The following ZNF536 variants were observed in gnomAD, a reference collection of about 807,000 sequenced individuals.
ZNF536 encodes the protein zinc finger protein 536.
Under a neutral mutation model 84.5 loss-of-function variants are expected in ZNF536, and 13 were observed. That is an observed-to-expected ratio of 0.15 (90% CI 0.10 to 0.24). The LOEUF (loss-of-function observed/expected upper bound fraction) is 0.24. Ranked by LOEUF, ZNF536 falls within the 10% of genes least tolerant of loss-of-function variation. The pLI is 1.00. For synonymous variants in ZNF536, 811 were observed against 742.5 expected (o/e 1.09, Z -1.50); for missense variants, 1,536 against 1,747.5 (o/e 0.88, Z 2.16).
intron 1 of ZNF536, among the ~76,000 whole-genome samples, chr19:30,567,166 G>T (rs898923828): frequency 3.9e-5 from 6 of 152,222 alleles, no homozygotes; most frequent in Non-Finnish European, 5.9e-5. Context: ...CCAACCAAAA[G>T]TACATAACAA....
chr19:30,528,814 T>C (rs2044690387), intron 2 of ZNF536, among the ~76,000 whole-genome samples: 1 of 152,142 alleles, frequency 6.6e-6, no homozygotes, highest in Non-Finnish European at 1.5e-5. Context: ...CAGGGACTAG[T>C]TAGCAACCAT....
Position 30,603,060 on chromosome 19 carries a change from C to T in ZNF536, c.169+53546C>T, listed in dbSNP as rs191378261. Among the ~76,000 whole-genome samples the T allele has an allele frequency of 1.2e-3, 180 of 152,282 alleles. 1 individual carries two copies. The highest frequency in any genetic ancestry group is 4.0e-3 in the African/African-American group (168 of 41,564). ...CCAGGTGGGTCCTCCTCCTCCAGCC[C>T]GTGTGACGTTCTACCTTGTGCTTTG... On this transcript the variant is annotated intron_variant, in intron 1 of 1. Transcript: ENST00000592773.
chr19:30,582,216 G>A (rs190284041), intron 1 of ZNF536, among the ~76,000 whole-genome samples: 27 of 152,160 alleles, frequency 1.8e-4, no homozygotes, highest in African/African-American at 5.5e-4. Context: ...ATGGGCAGAC[G>A]TGCACCAAAG....
At chr19:30,579,938 A>G (rs1009602008) in intron 1 of ZNF536, among the ~76,000 whole-genome samples, 2 of 151,932 alleles carry the variant, frequency 1.3e-5, no homozygotes, top group Non-Finnish European at 2.9e-5. Flanking sequence ...CTGCTGGTAG[A>G]CTCTTTTTAA....
In ZNF536 at chr19:30,444,211, C is replaced by G. The variant is rs1213068176; in HGVS notation, c.649C>G (p.Leu217Val). ...ILRDKQLKGSLLQPRPDLKPP... is the reference protein window; with the variant it reads ...ILRDKQLKGSVLQPRPDLKPP... ...GCGGGACAAGCAGCTGAAAGGCAGC[C>G]TGCTGCAGCCCCGGCCGGACCTGAA... The change falls in exon 2 of 5, where the codon CTG (leucine) becomes GTG (valine). Residue 217 changes from leucine to valine, a missense_variant. By Grantham distance (32) the Leu-to-Val change is conservative. Coordinates refer to ENST00000355537, the MANE Select transcript of ZNF536 (RefSeq NM_014717.3). The G allele has an allele frequency of 6.5e-7, 1 of 1,549,166 alleles. No individual in the cohort carries two copies. The highest frequency in any genetic ancestry group is 8.7e-7 in the Non-Finnish European group (1 of 1,152,114).
intron 1 of ZNF536, among the ~76,000 whole-genome samples, chr19:30,269,772 A>G (rs575651306): frequency 1.3e-5 from 2 of 152,210 alleles, no homozygotes; most frequent in South Asian, 4.2e-4. Context: ...CTCGGCTTGT[A>G]CGAACGAAGA....
At chr19:30,262,965 G>C (rs966970248) in intron 1 of ZNF536, among the ~76,000 whole-genome samples, 1 of 152,230 alleles carries the variant, frequency 6.6e-6, no homozygotes, top group African/African-American at 2.4e-5. Flanking sequence ...AGGGGTGCTA[G>C]AGCACCAAGC....
intron 1 of ZNF536, among the ~76,000 whole-genome samples, chr19:30,240,214 C>CA (rs889427457): frequency 1.7e-4 from 26 of 150,646 alleles, no homozygotes; most frequent in South Asian, 1.1e-3. Context: ...ACTAAAAATA[C>CA]AAAAAAAAAT....
chr19:30,449,730 T>A (rs748668983), intron 2 of ZNF536, among the ~76,000 whole-genome samples: 1 of 152,144 alleles, frequency 6.6e-6, no homozygotes, highest in African/African-American at 2.4e-5. Flanking sequence ...CTACTACTTC[T>A]GGTATAATAT....
chr19:30,598,766 GTTTATA>G (rs1432612295), intron 1 of ZNF536, among the ~76,000 whole-genome samples: 2 of 152,044 alleles, frequency 1.3e-5, no homozygotes, highest in African/African-American at 2.4e-5. Flanking sequence ...AAATACTATA[GTTTATA>G]TTTAAATTTG....
At chr19:30,530,870 T>A (rs1453854546) in intron 2 of ZNF536, among the ~76,000 whole-genome samples, 2 of 152,210 alleles carry the variant, frequency 1.3e-5, no homozygotes, top group Non-Finnish European at 2.9e-5. Context: ...TGAATGACAC[T>A]CTCAGGTTCT....
At chr19:30,647,546 G>T (rs992789412) in intron 1 of ZNF536, among the ~76,000 whole-genome samples, 3 of 152,182 alleles carry the variant, frequency 2.0e-5, no homozygotes, top group Admixed American at 6.5e-5. Context: ...GGAAATGCTT[G>T]TCTGTTGCTG....
In ZNF536 at chr19:30,443,632, C is replaced by A. The variant is rs377056320; in HGVS notation, c.70C>A (p.Pro24Thr). The change falls in exon 2 of 5, where the codon CCC (proline) becomes ACC (threonine). Residue 24 changes from proline to threonine, a missense_variant. By Grantham distance (38) the Pro-to-Thr change is conservative. Coordinates refer to ENST00000355537, the MANE Select transcript of ZNF536 (RefSeq NM_014717.3). ...GGAAGCTGAGCCCCACCTGAGTGGC[C>A]CCGTCCTCAACGGCCAGTATGCCAT... Reference protein sequence around the residue: ...EPEAEPHLSGPVLNGQYAMSQ... With the variant: ...EPEAEPHLSGTVLNGQYAMSQ... The A allele has an allele frequency of 6.2e-7, 1 of 1,610,710 alleles. No individual in the cohort carries two copies. The highest frequency in any genetic ancestry group is 8.5e-7 in the Non-Finnish European group (1 of 1,178,566).
At chr19:30,561,919 T>G (rs921919033), downstream of ZNF536, among the ~76,000 whole-genome samples, 43 of 152,224 alleles carry the variant, frequency 2.8e-4, 1 homozygote, top group African/African-American at 9.1e-4. Context: ...CCCTCTTGGG[T>G]ACCCAGTAGA....
intron 2 of ZNF536, among the ~76,000 whole-genome samples, chr19:30,465,627 AGG>A (rs2053351365): frequency 1.3e-5 from 2 of 152,216 alleles, no homozygotes; most frequent in African/African-American, 2.4e-5. Flanking sequence ...GTGGTGGCTT[AGG>A]CCTGGAATCC....
chr19:30,512,294 C>T (rs1307371258), intron 2 of ZNF536, among the ~76,000 whole-genome samples: 1 of 152,142 alleles, frequency 6.6e-6, no homozygotes, highest in Non-Finnish European at 1.5e-5. Flanking sequence ...CAGAACATCT[C>T]CCGAATGTCG....
chr19:30,613,020 A>G (rs768011274), intron 1 of ZNF536, among the ~76,000 whole-genome samples: 1 of 152,172 alleles, frequency 6.6e-6, no homozygotes, highest in Non-Finnish European at 1.5e-5. Flanking sequence ...TTGGAGAAAA[A>G]CGCTCAGTTT....
At position 30,352,722 on chromosome 19, in the gene ZNF536, G is replaced by A. The variant is rs552556422; in HGVS notation, c.-3+238G>A. On this transcript the variant is annotated intron_variant, in intron 3 of 5. Transcript: ENST00000585628. ...CCCATGGGGGAGGTATTCCTTTGTGGTTTGGGTGTGTTTGGGGATGGGTGG... is the reference window on the plus strand; with the variant it reads ...CCCATGGGGGAGGTATTCCTTTGTGATTTGGGTGTGTTTGGGGATGGGTGG... Among the ~76,000 whole-genome samples, 72 of 152,238 alleles carry A rather than the reference G, an allele frequency of 4.7e-4. 1 individual carries two copies. The highest frequency in any genetic ancestry group is 1.7e-3 in the African/African-American group (71 of 41,534).
intron 2 of ZNF536, among the ~76,000 whole-genome samples, chr19:30,472,240 T>C (rs1215862481): frequency 6.6e-6 from 1 of 152,178 alleles, no homozygotes; most frequent in African/African-American, 2.4e-5. Context: ...TTATTTGCCT[T>C]GGTAAGTTAA....
Sources: allele counts gnomAD v4.1 joint callset (sites outside exome capture counted in the v4.1 genomes callset), GRCh38; gene constraint gnomAD v4.1.1; transcripts MANE v1.5; gene names NCBI Gene and HGNC (gene_info 2026-07-23, HGNC 2026-07-21).